Variants in ATRNL1 observed in about 807,000 individuals in gnomAD.
ATRNL1 encodes the protein attractin like 1.
A neutral mutation model predicts 182.7 loss-of-function variants in ATRNL1; 95 were observed. The observed-to-expected ratio is 0.52, with a 90% CI of 0.44 to 0.62. The LOEUF is 0.62. ATRNL1 is among the 20% of genes least tolerant of loss of function. ATRNL1 has a pLI of 0.00. For synonymous variants in ATRNL1, 576 were observed against 568.3 expected, an observed-to-expected ratio of 1.01 and a Z score of -0.19; for missense variants, 1,471 against 1,679.5, an observed-to-expected ratio of 0.88 and a Z score of 2.17.
intron 27 of ATRNL1, among the ~76,000 whole-genome samples, chr10:115,802,411 A>T (rs142261474): frequency 5.0e-4 from 76 of 152,318 alleles, no homozygotes; most frequent in African/African-American, 1.8e-3. Context: ...AGGGATGCTA[A>T]CTCTCAGAAG....
At chr10:115,405,852 C>T (rs1554958116) in intron 20 of ATRNL1, among the ~76,000 whole-genome samples, 1 of 113,724 alleles carries the variant, frequency 8.8e-6, no homozygotes, top group Non-Finnish European at 1.7e-5. Context: ...CTCCCCCCAC[C>T]CCACAACAGG....
Position 115,440,303 on chromosome 10 carries a change from A to G in ATRNL1, c.3322+14001A>G, listed in dbSNP as rs530913458. Among the ~76,000 whole-genome samples, 11 of 151,980 alleles carry G rather than the reference A, an allele frequency of 7.2e-5. No homozygotes were observed. In the East Asian group the frequency reaches 1.7e-3, roughly 24 times the overall value. Reference sequence around the variant, plus strand: ...TCTTATATTGGAGAATAATATTTAGAAACCAAAACTGGGGATTATATATGC... The same window carrying G: ...TCTTATATTGGAGAATAATATTTAGGAACCAAAACTGGGGATTATATATGC... On this transcript the variant is annotated intron_variant, in intron 21 of 28. Transcript: ENST00000355044.
At chr10:115,522,152 G>A (rs539789672) in intron 25 of ATRNL1, among the ~76,000 whole-genome samples, 1 of 152,160 alleles carries the variant, frequency 6.6e-6, no homozygotes, top group African/African-American at 2.4e-5. Context: ...GCCATCTTAA[G>A]TAGGTCACTA....
intron 27 of ATRNL1, among the ~76,000 whole-genome samples, chr10:115,736,253 T>G (rs1458382007): frequency 6.6e-6 from 1 of 152,208 alleles, no homozygotes; most frequent in Non-Finnish European, 1.5e-5. Flanking sequence ...ATTCCGAACA[T>G]TGTTCCAATT....
At chr10:115,730,304 T>C (rs1947757719) in intron 27 of ATRNL1, among the ~76,000 whole-genome samples, 1 of 147,870 alleles carries the variant, frequency 6.8e-6, no homozygotes, top group Non-Finnish European at 1.5e-5. Flanking sequence ...AGAAACTTTG[T>C]ATGGCATTAT....
At chr10:115,776,364 G>T (rs1309375407) in intron 27 of ATRNL1, among the ~76,000 whole-genome samples, 1 of 152,132 alleles carries the variant, frequency 6.6e-6, no homozygotes, top group Non-Finnish European at 1.5e-5. Flanking sequence ...GAAGAATAAA[G>T]AATATTTCAT....
At chr10:115,711,082 T>C (rs998251441) in intron 26 of ATRNL1, among the ~76,000 whole-genome samples, 9 of 152,164 alleles carry the variant, frequency 5.9e-5, no homozygotes, top group South Asian at 2.1e-4. Flanking sequence ...CACTCTTTTC[T>C]TTCTCTGGGT....
rs782323465 is a variant in ATRNL1, at chr10:115,093,865, G to C, written c.115G>C (p.Gly39Arg). The change falls in exon 1 of 29, where the codon GGG (glycine) becomes CGG (arginine). Residue 39 changes from glycine to arginine, a missense_variant. Around this residue, in one of 3 missense-constraint regions of ATRNL1, gnomAD observed 1,031 missense variants for 1,156.0 expected, o/e 0.89. Transcript: ENST00000355044. This position sits in a 1 kb window ranked among gnomAD's most constrained non-coding sequence, Gnocchi z 6.1. ...GGGASSWLLD[G>R]NSWLLCYGFL... ...GGGCGCCTCCTCCTGGCTGCTGGAC[G>C]GGAACAGCTGGCTGCTGTGCTATGG... The C allele has an allele frequency of 2.5e-6, 4 of 1,573,780 alleles. No homozygotes were observed. The highest frequency in any genetic ancestry group is 2.4e-5 in the East Asian group (1 of 40,872).
chr10:115,878,943 G>C (rs1951760416), intron 28 of ATRNL1, among the ~76,000 whole-genome samples: 1 of 152,040 alleles, frequency 6.6e-6, no homozygotes, highest in Non-Finnish European at 1.5e-5. Context: ...AAAATGTGTA[G>C]GCATAAAAAT....
intron 26 of ATRNL1, among the ~76,000 whole-genome samples, chr10:115,614,009 TTGTC>T (rs1857301280): frequency 6.6e-6 from 1 of 152,022 alleles, no homozygotes; most frequent in Non-Finnish European, 1.5e-5. Flanking sequence ...GGTTTTCTTT[TTGTC>T]TGTATTTTGT....
chr10:115,843,584 C>A (rs1249141950), intron 27 of ATRNL1, among the ~76,000 whole-genome samples: 2 of 151,922 alleles, frequency 1.3e-5, no homozygotes, highest in Admixed American at 1.3e-4. Flanking sequence ...GAAGAAGGCA[C>A]AGATGATTCT....
rs1246197669 is a variant in ATRNL1, at chr10:115,364,344, G to A, written c.3175+29925G>A. Reference sequence around the variant, plus strand: ...TTGTCTGTTATTGGTGTATAAGAATGCTTGTGATTTTTGTACATTGATTTT... The same window carrying A: ...TTGTCTGTTATTGGTGTATAAGAATACTTGTGATTTTTGTACATTGATTTT... On this transcript the variant is annotated intron_variant, in intron 19 of 28. Transcript: ENST00000355044. 2.2e-5 allele frequency among the ~76,000 whole-genome samples: 3 copies of A among 135,438 alleles called. No individual in the cohort carries two copies. The East Asian group carries it at 6.2e-4, about 28-fold the overall frequency. 88.9% of individuals were successfully genotyped at this position (135,438 alleles called of 152,430 possible).
intron 26 of ATRNL1, among the ~76,000 whole-genome samples, chr10:115,596,741 A>G (rs118022891): frequency 2.6e-5 from 4 of 152,302 alleles, no homozygotes; most frequent in Non-Finnish European, 4.4e-5. Context: ...GTATGTAGAA[A>G]TATACTTTGT....
intron 26 of ATRNL1, among the ~76,000 whole-genome samples, chr10:115,724,121 G>A (rs1478736831): frequency 6.6e-6 from 1 of 152,080 alleles, no homozygotes; most frequent in Non-Finnish European, 1.5e-5. Context: ...TATACAAAAT[G>A]TTAAGCTTCA....
At chr10:115,559,451 C>CACAT (rs1565165117) in intron 26 of ATRNL1, among the ~76,000 whole-genome samples, 6 of 73,968 alleles carry the variant, frequency 8.1e-5, no homozygotes, top group Non-Finnish European at 1.6e-4. Context: ...TGTGCGCGCG[C>CACAT]GCACGCACGC....
intron 20 of ATRNL1, among the ~76,000 whole-genome samples, chr10:115,402,033 C>G (rs1183824878): frequency 1.3e-5 from 2 of 152,094 alleles, no homozygotes; most frequent in African/African-American, 4.8e-5. Flanking sequence ...ATTGTATACT[C>G]ACAGATGTGT....
At chr10:115,257,626 A>G (rs1851210154) in intron 10 of ATRNL1, among the ~76,000 whole-genome samples, 1 of 152,106 alleles carries the variant, frequency 6.6e-6, no homozygotes. Context: ...TAATATTGTT[A>G]TGTGTGAATT....
At chr10:115,621,276 T>TATATATATATATAGAGAGAGAGAGAG (rs1268020830) in intron 26 of ATRNL1, among the ~76,000 whole-genome samples, 5 of 47,580 alleles carry the variant, frequency 1.1e-4, no homozygotes, top group African/African-American at 3.7e-4. Flanking sequence ...TATATATATA[T>TATATATATATATAGAGAGAGAGAGAG]AGAGAGAGAG....
At position 115,676,544 on chromosome 10, in the gene ATRNL1, T is replaced by C. The variant is rs191787085; in HGVS notation, c.3796-50704T>C. On this transcript the variant is annotated intron_variant, in intron 26 of 28. Coordinates refer to ENST00000355044, the MANE Select transcript of ATRNL1 (RefSeq NM_207303.4). ...AGTGAGTGACTGAGATCTCTGTCTA[T>C]GTATGTATATCTGTATTATCTACAA... 5.1e-3 allele frequency among the ~76,000 whole-genome samples: 761 copies of C among 148,712 alleles called. 8 individuals are homozygous for C. Among genetic ancestry groups the C allele is most frequent in the African/African-American group, 0.019 (733 of 38,296 alleles).
Sources: gnomAD v4.1 joint callset for allele counts (sites outside exome capture counted in the v4.1 genomes callset) on GRCh38, gnomAD v4.1.1 for gene constraint, gnomAD v4.1.1 regional missense constraint, Gnocchi (gnomAD v3.1) non-coding constraint, MANE v1.5 for transcripts, NCBI Gene and HGNC (gene_info 2026-07-23, HGNC 2026-07-21) for gene names.